TANC1: variants seen among roughly 807,000 people sequenced by gnomAD.
TANC1 encodes protein TANC1.
A neutral mutation model predicts 149.7 loss-of-function variants in TANC1; 77 were observed. The observed-to-expected ratio is 0.51, with a 90% CI of 0.43 to 0.62. The LOEUF is 0.62. Ranked by LOEUF, TANC1 falls within the 20% of genes least tolerant of loss-of-function variation. The pLI is 0.00. For missense variants in TANC1, 1,985 were observed against 2,321.8 expected, an observed-to-expected ratio of 0.85 and a Z score of 2.98; for synonymous variants, 854 against 925.0, an observed-to-expected ratio of 0.92 and a Z score of 1.39.
intron 4 of TANC1, among the ~76,000 whole-genome samples, chr2:159,131,881 A>G (rs1470977879): frequency 6.6e-6 from 1 of 152,240 alleles, no homozygotes; most frequent in Non-Finnish European, 1.5e-5. Context: ...GTTTATATTC[A>G]CTTAATATTT....
intron 9 of TANC1, among the ~76,000 whole-genome samples, chr2:159,169,947 C>A (rs571915473): frequency 6.6e-6 from 1 of 150,776 alleles, no homozygotes; most frequent in East Asian, 2.0e-4. Flanking sequence ...GAGCTGAGAT[C>A]GTGCCATTGC....
intron 2 of TANC1, among the ~76,000 whole-genome samples, chr2:159,003,322 C>T (rs1469186255): frequency 6.6e-6 from 1 of 152,010 alleles, no homozygotes; most frequent in African/African-American, 2.4e-5. Flanking sequence ...GCGAAGTAGC[C>T]CTTTGTTTTG....
intron 2 of TANC1, among the ~76,000 whole-genome samples, chr2:159,035,519 A>T (rs2149497476): frequency 6.6e-6 from 1 of 152,322 alleles, no homozygotes; most frequent in East Asian, 1.9e-4. Context: ...AACAACAAAA[A>T]TCTCAAGGCA....
chr2:159,029,089 G>A (rs922403237), intron 2 of TANC1, among the ~76,000 whole-genome samples: 1 of 152,172 alleles, frequency 6.6e-6, no homozygotes, highest in Admixed American at 6.5e-5. Context: ...CATAAGAGTG[G>A]AATCGTGTGC....
chr2:158,977,656 A>G (rs1160955503), intron 1 of TANC1, among the ~76,000 whole-genome samples: 9 of 151,828 alleles, frequency 5.9e-5, no homozygotes, highest in Non-Finnish European at 1.5e-5. Flanking sequence ...TGATCAAAAA[A>G]GCTTTGATAC....
rs941009397 is a variant in TANC1 at position 159,098,589 on chromosome 2, A to G, written c.259+755A>G. Reference sequence around the variant, plus strand: ...CTGATGTATTTCATTTGATTACATCATCTAGCATTTGAACAGCTATAAAGT... The same window carrying G: ...CTGATGTATTTCATTTGATTACATCGTCTAGCATTTGAACAGCTATAAAGT... On this transcript the variant is annotated intron_variant, in intron 4 of 26. Coordinates refer to ENST00000263635, the MANE Select transcript of TANC1 (RefSeq NM_033394.3). 5.3e-5 allele frequency among the ~76,000 whole-genome samples: 8 copies of G among 152,330 alleles called. No homozygotes were observed. In the South Asian group the frequency reaches 1.0e-3, roughly 20 times the overall value.
intron 1 of TANC1, among the ~76,000 whole-genome samples, chr2:158,995,799 C>T (rs1350426690): frequency 1.3e-5 from 2 of 152,172 alleles, no homozygotes; most frequent in Non-Finnish European, 2.9e-5. Flanking sequence ...ACACCCACTG[C>T]CTTACCTACT....
At position 159,179,048 on chromosome 2, in the gene TANC1, T is replaced by C; in HGVS notation, c.2395T>C (p.Ser799Pro). 1 of 1,613,966 alleles carries C rather than the reference T, an allele frequency of 6.2e-7. No individual in the cohort carries two copies. The highest frequency in any genetic ancestry group is 8.5e-7 in the Non-Finnish European group (1 of 1,180,012). ...EDFQQRMDAL[S>P]CFLIKRRDKT... ...CTTTCAGCAGAGGATGGACGCCCTC[T>C]CCTGCTTCCTCATTAAGAGGCGAGA... Residue 799 changes from serine to proline, a missense_variant, in exon 14 of 27, where the codon TCC (serine) becomes CCC (proline). By Grantham distance (74) the Ser-to-Pro change is moderately conservative. This residue lies in a region of TANC1 where 508 missense variants were observed against 714.2 expected (regional missense o/e 0.71). Transcript: ENST00000263635.
intron 2 of TANC1, among the ~76,000 whole-genome samples, chr2:159,054,820 G>A (rs2041728897): frequency 6.6e-6 from 1 of 152,070 alleles, no homozygotes; most frequent in African/African-American, 2.4e-5. Context: ...CTGTGATGAT[G>A]GTTTATTGTG....
chr2:159,215,577 G>T (rs1459582891), intron 19 of TANC1, among the ~76,000 whole-genome samples: 1 of 152,210 alleles, frequency 6.6e-6, no homozygotes, highest in African/African-American at 2.4e-5. Context: ...ACCAAGGGGT[G>T]TGTGCAGACA....
At chr2:159,060,064 T>A in intron 2 of TANC1, 1 of 934,274 alleles carries the variant, frequency 1.1e-6, no homozygotes, top group South Asian at 4.9e-5. Context: ...GTTGCTAATA[T>A]GAAGAACAGT....
At chr2:159,070,769 A>G (rs2043087264) in intron 3 of TANC1, among the ~76,000 whole-genome samples, 1 of 152,136 alleles carries the variant, frequency 6.6e-6, no homozygotes, top group South Asian at 2.1e-4. Flanking sequence ...ATCCACCACC[A>G]TATGCATTGT....
intron 3 of TANC1, among the ~76,000 whole-genome samples, chr2:159,093,706 G>C (rs1287657538): frequency 6.6e-6 from 1 of 152,138 alleles, no homozygotes; most frequent in Non-Finnish European, 1.5e-5. Flanking sequence ...ATTATAGTGA[G>C]ATGGTAAAGT....
At chr2:159,161,651 G>C (rs1434469259) in intron 7 of TANC1, among the ~76,000 whole-genome samples, 1 of 152,168 alleles carries the variant, frequency 6.6e-6, no homozygotes, top group African/African-American at 2.4e-5. Context: ...TTTTATGATA[G>C]AAAGAGTCAT....
At chr2:159,220,807 CCTG>C (rs1326383760) in intron 22 of TANC1, among the ~76,000 whole-genome samples, 1 of 152,152 alleles carries the variant, frequency 6.6e-6, no homozygotes, top group East Asian at 1.9e-4. Context: ...GTCTCGAACT[CCTG>C]GGCTCAAGTG....
chr2:158,979,386 T>C (rs1015599571), intron 1 of TANC1, among the ~76,000 whole-genome samples: 2 of 151,306 alleles, frequency 1.3e-5, no homozygotes, highest in African/African-American at 4.9e-5. Flanking sequence ...CTCAGCTACG[T>C]GGGAGACTGA....
At chr2:159,145,364 C>A (rs2051944803) in intron 5 of TANC1, among the ~76,000 whole-genome samples, 1 of 152,160 alleles carries the variant, frequency 6.6e-6, no homozygotes, top group Admixed American at 6.5e-5. Context: ...GAGAGAATGA[C>A]CAATTCTATA....
rs989050947 is a variant in TANC1, at chr2:159,097,904, T to C, written c.259+70T>C. The C allele has an allele frequency of 8.3e-6, 11 of 1,327,062 alleles. No homozygotes were observed. In the African/African-American group the frequency reaches 8.7e-5, roughly 10 times the overall value. The allele number at this position is 1,327,062 out of a possible 1,614,324, so 82.2% of individuals were successfully genotyped here. On this transcript the variant is annotated intron_variant, in intron 4 of 26. Coordinates refer to ENST00000263635, the MANE Select transcript of TANC1 (RefSeq NM_033394.3). The stretch of plus-strand genomic sequence containing the variant: ...CTGCATTGAAAATAAGCAAAACTAG[T>C]GCCCATGAGAAATCTTCTGGGACAA...
At chr2:159,228,549 G>T (rs914271625) in intron 25 of TANC1, 2 of 472,902 alleles carry the variant, frequency 4.2e-6, no homozygotes, top group African/African-American at 3.9e-5. Flanking sequence ...GGGCTGTGAG[G>T]TTCCACCATC....
Sources: gnomAD v4.1 joint callset for allele counts (sites outside exome capture counted in the v4.1 genomes callset) on GRCh38, gnomAD v4.1.1 for gene constraint, gnomAD v4.1.1 regional missense constraint, MANE v1.5 for transcripts, NCBI Gene and HGNC (gene_info 2026-07-23, HGNC 2026-07-21) for gene names.